Variants in FAAH2 observed in about 807,000 individuals in gnomAD.
FAAH2 encodes fatty acid amide hydrolase 2.
Under a neutral mutation model 36.9 loss-of-function variants are expected in FAAH2, and 60 were observed. The ratio of observed to expected loss-of-function variants is 1.63; its 90% CI spans 1.32 to 2.02. The LOEUF is 2.02. FAAH2 is among the 30% of genes most tolerant of loss of function. The pLI is 0.00. For missense variants in FAAH2, 689 were observed against 397.5 expected (o/e 1.73, Z -6.23); for synonymous variants, 214 against 143.8 (o/e 1.49, Z -3.49).
At chrX:57,194,246 T>G in the FAAH2 span, among the ~76,000 whole-genome samples, 1 of 111,698 alleles carries the variant, frequency 9.0e-6, no homozygotes, top group East Asian at 2.8e-4. Flanking sequence ...CCGGGTTCAA[T>G]CTTGACAGGT....
At chrX:57,134,959 A>G in the FAAH2 span, 6 of 112,070 alleles carry the variant, frequency 5.4e-5, no homozygotes, top group African/African-American at 1.6e-4. Context: ...TGCATCTGGC[A>G]TCTTTGACAG....
intron 3 of FAAH2, among the ~76,000 whole-genome samples, chrX:57,320,635 GA>G (rs953571321): frequency 8.9e-6 from 1 of 112,482 alleles, no homozygotes; most frequent in Non-Finnish European, 1.9e-5. Context: ...TCTAGAACTA[GA>G]AATACCATTT....
At chrX:57,179,509 A>T in the FAAH2 span, among the ~76,000 whole-genome samples, 1 of 112,461 alleles carries the variant, frequency 8.9e-6, no homozygotes. Context: ...ACCAACAAAG[A>T]TCAAATAAGA....
intron 10 of FAAH2, among the ~76,000 whole-genome samples, chrX:57,469,451 G>A (rs1007233359): frequency 3.6e-4 from 40 of 111,133 alleles, no homozygotes; most frequent in Non-Finnish European, 5.9e-4. Context: ...TTGCAATCCT[G>A]ATCTCTGATG....
At chrX:57,327,775 A>T (rs1437791319) in intron 3 of FAAH2, among the ~76,000 whole-genome samples, 2 of 111,139 alleles carry the variant, frequency 1.8e-5, no homozygotes, top group East Asian at 5.6e-4. Context: ...CTTCTTTGCC[A>T]TGGGTTCAAA....
chrX:57,452,097 C>T, intron 10 of FAAH2: 1 of 710,064 alleles, frequency 1.4e-6, no homozygotes, highest in Non-Finnish European at 1.7e-6. Flanking sequence ...CAAAAGTGGC[C>T]TTTCACTGGC....
the FAAH2 span, among the ~76,000 whole-genome samples, chrX:57,160,925 T>C: frequency 8.9e-6 from 1 of 112,143 alleles, no homozygotes; most frequent in Non-Finnish European, 1.9e-5. Context: ...TTGCTCTTGC[T>C]TCTGTAGTTC....
rs1347715926 is a variant in FAAH2, at chrX:57,352,082, G to GTATA, written c.742+10698_742+10701dup. 1.2e-3 allele frequency among the ~76,000 whole-genome samples: 5 copies of GTATA among 4,296 alleles called. 2 individuals carry two copies. The highest frequency in any genetic ancestry group is 2.1e-3 in the African/African-American group (5 of 2,363). 3.7% of individuals were successfully genotyped at this position (4,296 alleles called of 115,157 possible). On this transcript the variant is annotated intron_variant, in intron 5 of 10. Transcript: ENST00000374900. Reference sequence around the variant, plus strand: ...TATATATATACACATATATATATGTGTATATATATGCACATATATATATAT... The same window carrying GTATA: ...TATATATATACACATATATATATGTGTATATATATATATGCACATATATATATAT...
chrX:57,225,605 T>G, the FAAH2 span, among the ~76,000 whole-genome samples: 1 of 111,803 alleles, frequency 8.9e-6, no homozygotes, highest in Non-Finnish European at 1.9e-5. Flanking sequence ...GAATAGAATG[T>G]GTATTCTGCA....
intron 10 of FAAH2, 85 bp downstream of exon 10, chrX:57,448,803 T>C (rs2056731882): frequency 3.1e-6 from 3 of 964,060 alleles, no homozygotes; most frequent in Admixed American, 5.8e-5. Flanking sequence ...TCTTTTGCAG[T>C]TGGACAAGTT....
chrX:57,248,552 G>A, the FAAH2 span, among the ~76,000 whole-genome samples: 4 of 109,761 alleles, frequency 3.6e-5, no homozygotes, highest in African/African-American at 1.3e-4. Context: ...TCGGGAGTTT[G>A]AGAACAGCCT....
intron 10 of FAAH2, among the ~76,000 whole-genome samples, chrX:57,456,825 C>T (rs1204471694): frequency 9.0e-6 from 1 of 110,745 alleles, no homozygotes; most frequent in Non-Finnish European, 1.9e-5. Context: ...AAAAAAGAGC[C>T]CAGGACCATG....
chrX:57,129,864 C>T, the FAAH2 span, among the ~76,000 whole-genome samples: 1 of 112,017 alleles, frequency 8.9e-6, no homozygotes. Flanking sequence ...CACTTCTTGA[C>T]ATATGACTTC....
At chrX:57,164,643 T>G in the FAAH2 span, among the ~76,000 whole-genome samples, 46 of 112,353 alleles carry the variant, frequency 4.1e-4, no homozygotes, top group African/African-American at 1.4e-3. Context: ...GCACGAACAA[T>G]TTGAAATAAT....
chrX:57,144,896 A>C, the FAAH2 span, among the ~76,000 whole-genome samples: 1 of 93,971 alleles, frequency 1.1e-5, no homozygotes, highest in Non-Finnish European at 2.0e-5. Flanking sequence ...ATATATATAT[A>C]TATGTATGTA....
the FAAH2 span, among the ~76,000 whole-genome samples, chrX:57,216,496 GTATATGTATATATATATA>G: frequency 1.9e-5 from 1 of 52,303 alleles, no homozygotes; most frequent in Non-Finnish European, 3.3e-5. Flanking sequence ...ATATATATAC[GTATATGTATATATATATA>G]TATACGTATA....
chrX:57,440,582 A>G (rs145020108), intron 8 of FAAH2, among the ~76,000 whole-genome samples: 1,375 of 111,285 alleles, frequency 0.012, 12 homozygotes, highest in African/African-American at 0.043. Context: ...TACTAATTGA[A>G]TATTCTTTAT....
At position 57,330,254 on chromosome X, in the gene FAAH2, A is replaced by ACCT. The variant is rs2053361428; in HGVS notation, c.413-1344_413-1343insCCT. Among the ~76,000 whole-genome samples, 6 of 111,962 alleles carry ACCT rather than the reference A, an allele frequency of 5.4e-5. No homozygotes were observed. The South Asian group carries it at 1.5e-3, about 28-fold the overall frequency. ...TGTTTCTCAGCAAGGAACATCCCTG[A>ACCT]GAAAGAGAATGCGCCCCAAGGGTGG... On this transcript the variant is annotated intron_variant, in intron 3 of 10. Coordinates refer to ENST00000374900, the MANE Select transcript of FAAH2 (RefSeq NM_174912.4).
the FAAH2 span, among the ~76,000 whole-genome samples, chrX:57,266,310 T>C: frequency 1.5e-4 from 17 of 111,653 alleles, no homozygotes; most frequent in South Asian, 3.8e-4. Context: ...CTTCCAGGCA[T>C]TGGAAAACCT....
Sources: gnomAD v4.1 joint callset for allele counts (sites outside exome capture counted in the v4.1 genomes callset) on GRCh38, gnomAD v4.1.1 for gene constraint, MANE v1.5 for transcripts, NCBI Gene and HGNC (gene_info 2026-07-23, HGNC 2026-07-21) for gene names.